COX10: variants seen among roughly 807,000 people sequenced by gnomAD.
The protein encoded by COX10 is cytochrome c oxidase assembly factor heme A:farnesyltransferase COX10, also known as protoheme IX farnesyltransferase, mitochondrial.
COX10 carries 27 observed loss-of-function variants against 37.3 expected under a neutral mutation model. The observed-to-expected ratio is 0.72, with a 90% CI of 0.53 to 1.00. The LOEUF (loss-of-function observed/expected upper bound fraction) is 1.00, where lower values mean the gene tolerates loss of function less well. Ranked by LOEUF, COX10 falls within the 50% of genes least tolerant of loss-of-function variation. The pLI, the probability that COX10 is intolerant of heterozygous loss-of-function variation, is 0.00. For missense variants in COX10, 475 were observed against 563.2 expected (o/e 0.84, Z 1.59); for synonymous variants, 222 against 229.1 (o/e 0.97, Z 0.28).
At chr17:14,123,615 T>C (rs183202554) in intron 4 of COX10, among the ~76,000 whole-genome samples, 5 of 152,304 alleles carry the variant, frequency 3.3e-5, no homozygotes, top group Admixed American at 2.0e-4. Context: ...AGCCATTAAA[T>C]AGAGAATGTA....
intron 3 of COX10, among the ~76,000 whole-genome samples, chr17:14,084,825 A>G (rs1282081405): frequency 3.3e-5 from 5 of 152,004 alleles, no homozygotes; most frequent in Non-Finnish European, 1.5e-5. Context: ...CACGCCAGCT[A>G]ATTTTTGTAT....
intron 3 of COX10, among the ~76,000 whole-genome samples, chr17:14,083,653 C>T (rs773978438): frequency 3.9e-5 from 6 of 152,178 alleles, no homozygotes; most frequent in African/African-American, 1.2e-4. Context: ...ATGAGCCAAA[C>T]GTTTGCTGGT....
intron 4 of COX10, among the ~76,000 whole-genome samples, chr17:14,111,430 T>G (rs1309454681): frequency 5.9e-5 from 9 of 152,160 alleles, no homozygotes; most frequent in African/African-American, 2.2e-4. Flanking sequence ...ATTTTGGTAG[T>G]TAATCAGATT....
chr17:14,107,453 C>T (rs1174880989), intron 4 of COX10, among the ~76,000 whole-genome samples: 1 of 152,058 alleles, frequency 6.6e-6, no homozygotes, highest in Admixed American at 6.6e-5. Flanking sequence ...CCACCTATGC[C>T]TTCAATCTTT....
chr17:14,165,534 A>G (rs779245056), intron 5 of COX10, among the ~76,000 whole-genome samples: 1 of 152,140 alleles, frequency 6.6e-6, no homozygotes, highest in Non-Finnish European at 1.5e-5. Context: ...CAGTTTCCCC[A>G]TCTCTCTCCT....
Position 14,177,114 on chromosome 17 carries a change from G to A in COX10, c.696-14875G>A, listed in dbSNP as rs1597537963. On this transcript the variant is annotated intron_variant, in intron 5 of 6. Transcript: ENST00000261643. ...AGTTTTAGTTATGTTGATTGCTTGTGTGAAATGCTGATTCCTGCCAGCAGT... is the reference window on the plus strand; with the variant it reads ...AGTTTTAGTTATGTTGATTGCTTGTATGAAATGCTGATTCCTGCCAGCAGT... The A allele has an allele frequency of 2.2e-4, 121 of 559,080 alleles. 1 individual carries two copies. In the East Asian group the frequency reaches 3.5e-3, roughly 16 times the overall value. 34.6% of individuals were successfully genotyped at this position (559,080 alleles called of 1,614,324 possible). A position where few individuals can be genotyped will look rare whatever the true frequency, so the allele number is the denominator to read the frequency against.
At position 14,156,344 on chromosome 17, in the gene COX10, C is replaced by T. The variant is rs528484826; in HGVS notation, c.625-3533C>T. ...GGGAGGGTTCACACCATTCTCCTGCCTCAGCCTCCCAAGTAGCTGGGACTA... is the reference window on the plus strand; with the variant it reads ...GGGAGGGTTCACACCATTCTCCTGCTTCAGCCTCCCAAGTAGCTGGGACTA... On this transcript the variant is annotated intron_variant, in intron 4 of 6. Coordinates refer to ENST00000261643, the MANE Select transcript of COX10 (RefSeq NM_001303.4). 7.9e-5 allele frequency among the ~76,000 whole-genome samples: 12 copies of T among 152,238 alleles called. No homozygotes were observed. In the East Asian group the frequency reaches 2.3e-3, roughly 30 times the overall value.
At chr17:14,184,806 G>GT (rs1426852647) in intron 5 of COX10, among the ~76,000 whole-genome samples, 3 of 147,698 alleles carry the variant, frequency 2.0e-5, no homozygotes, top group Non-Finnish European at 3.0e-5. Context: ...TTGGCTCAGC[G>GT]TATGTAGCTT....
chr17:14,189,460 TC>T (rs1229372670), intron 5 of COX10, among the ~76,000 whole-genome samples: 1 of 152,220 alleles, frequency 6.6e-6, no homozygotes, highest in Non-Finnish European at 1.5e-5. Flanking sequence ...CCCATAAACT[TC>T]TTGTAAAGCA....
chr17:14,173,373 G>T (rs1905544029), intron 5 of COX10, among the ~76,000 whole-genome samples: 1 of 152,270 alleles, frequency 6.6e-6, no homozygotes, highest in African/African-American at 2.4e-5. Context: ...TCGGACAGGA[G>T]TGGAGAATGA....
chr17:14,192,211 C>T lies in COX10; in HGVS notation c.918C>T (p.Ser306=), dbSNP rs1405439886. The change falls in exon 6 of 7, where the codon AGC becomes AGT. Residue 306 remains serine, a synonymous_variant. Transcript: ENST00000261643. ...PVMGWTAATG[S]LDAGAFLLGG... is the part of the protein sequence containing the mutation. Reference sequence around the variant, plus strand: ...TGGGCTGGACAGCGGCCACGGGCAGCCTCGATGCTGGTAAGTGTCCCGCGA... The same window carrying T: ...TGGGCTGGACAGCGGCCACGGGCAGTCTCGATGCTGGTAAGTGTCCCGCGA... 2 of 1,614,110 alleles carry T rather than the reference C, an allele frequency of 1.2e-6. No homozygotes were observed. The highest frequency in any genetic ancestry group is 2.2e-5 in the East Asian group (1 of 44,900).
At chr17:14,198,195 C>T (rs567791794) in intron 6 of COX10, among the ~76,000 whole-genome samples, 7 of 152,240 alleles carry the variant, frequency 4.6e-5, no homozygotes, top group South Asian at 2.1e-4. Flanking sequence ...TGAAGGAGTC[C>T]ACTCTGAGGA....
At chr17:14,103,431 T>C (rs1915830292) in intron 4 of COX10, among the ~76,000 whole-genome samples, 1 of 152,192 alleles carries the variant, frequency 6.6e-6, no homozygotes, top group Non-Finnish European at 1.5e-5. Context: ...AGGAGCACAT[T>C]CTAGTTTTCA....
intron 4 of COX10, among the ~76,000 whole-genome samples, chr17:14,155,726 GAAAA>G (rs970194635): frequency 8.0e-6 from 1 of 124,648 alleles, no homozygotes; most frequent in Admixed American, 7.9e-5. Flanking sequence ...AAAAAAAAAA[GAAAA>G]AAAAAGAAAA....
rs139937078 is a variant in COX10 at position 14,192,391 on chromosome 17, G to A, written c.928+170G>A. Among the ~76,000 whole-genome samples, 2,731 of 152,222 alleles carry A rather than the reference G, an allele frequency of 0.018. 41 individuals are homozygous for A. Among genetic ancestry groups the A allele is most frequent in the African/African-American group, 0.04 (1,650 of 41,506 alleles). On this transcript the variant is annotated intron_variant, in intron 6 of 6. Transcript: ENST00000261643. The stretch of plus-strand genomic sequence containing the variant: ...TGTGGACGCAGAGTAAAGAGAGACC[G>A]TGTCATCCTGGCTGGTGGGTGCACA...
At chr17:14,088,292 C>G (rs1029878157) in intron 3 of COX10, among the ~76,000 whole-genome samples, 1 of 152,054 alleles carries the variant, frequency 6.6e-6, no homozygotes, top group African/African-American at 2.4e-5. Context: ...ATTTAACAAA[C>G]GCTTCTTGAG....
At chr17:14,182,090 A>C (rs1905881129) in intron 5 of COX10, 3 of 983,388 alleles carry the variant, frequency 3.1e-6, no homozygotes, top group Non-Finnish European at 2.4e-6. Flanking sequence ...CATTCAGCGT[A>C]GATCTGGTTT....
intron 2 of COX10, 128 bp from the exon 3 acceptor site, chr17:14,076,607 C>A: frequency 1.2e-6 from 1 of 843,542 alleles, no homozygotes; most frequent in Non-Finnish European, 1.9e-6. Context: ...GCCGAATTAA[C>A]AGATATTAAA....
chr17:14,191,228 G>A (rs2142262597), intron 5 of COX10, among the ~76,000 whole-genome samples: 1 of 151,732 alleles, frequency 6.6e-6, no homozygotes, highest in East Asian at 1.9e-4. Flanking sequence ...TGAGAAACAG[G>A]CTTATAATAA....
Sources: allele counts gnomAD v4.1 joint callset (sites outside exome capture counted in the v4.1 genomes callset), GRCh38; gene constraint gnomAD v4.1.1; transcripts MANE v1.5; gene names NCBI Gene and HGNC (gene_info 2026-07-23, HGNC 2026-07-21).